LMNB1: variants seen among roughly 807,000 people sequenced by gnomAD.
LMNB1 encodes lamin-B1.
In LMNB1, 23 loss-of-function variants were observed where a neutral mutation model predicts 67.1. That is an observed-to-expected ratio of 0.34 (90% CI 0.25 to 0.49). LMNB1 has a LOEUF of 0.49. Ranked by LOEUF, LMNB1 falls within the 20% of genes least tolerant of loss-of-function variation. The pLI is 0.99. For synonymous variants in LMNB1, 281 were observed against 282.9 expected (o/e 0.99, Z 0.07); for missense variants, 634 against 746.5 (o/e 0.85, Z 1.76).
Position 126,819,138 on chromosome 5 carries a change from G to T in LMNB1, c.1156G>T (p.Glu386Ter). 1 of 1,613,006 alleles carries T rather than the reference G, an allele frequency of 6.2e-7. No individual in the cohort carries two copies. Among genetic ancestry groups the T allele is most frequent in the Non-Finnish European group, 8.5e-7 (1 of 1,179,106 alleles). The change falls in exon 6 of 11, where the codon GAG becomes TAG. Residue 386 changes from glutamate (E) to a stop codon, truncating the protein, a stop_gained. Coordinates refer to ENST00000261366, the MANE Select transcript of LMNB1 (RefSeq NM_005573.4). LOFTEE classifies it high-confidence loss of function. ...CAGGAAACTCTTAGAAGGCGAAGAA[G>T]AGAGGTAAGGAACTTAAGGGTCACC... is the stretch of plus-strand genomic sequence containing the variant. ...AYRKLLEGEE[E>*]RLKLSPSPSS...
In LMNB1 at chr5:126,811,898, G is replaced by C; in HGVS notation, c.939G>C (p.Glu313Asp). Residue 313 changes from glutamate (E) to aspartate (D), a missense_variant and splice_region_variant, in exon 5 of 11, where the codon GAG (glutamate) becomes GAC (aspartate). Transcript: ENST00000261366. ...CCCAGCTTTCTAATCTACAGAAAGA[G>C]GTAAATAATCATCTTTCTGTAAGAA... is the stretch of plus-strand genomic sequence containing the variant. ...LSSQLSNLQKESRACLERIQE... is the reference protein window; with the variant it reads ...LSSQLSNLQKDSRACLERIQE... 1 of 1,607,046 alleles carries C rather than the reference G, an allele frequency of 6.2e-7. No individual in the cohort carries two copies. The highest frequency in any genetic ancestry group is 8.5e-7 in the Non-Finnish European group (1 of 1,174,366).
At position 126,791,369 on chromosome 5, in the gene LMNB1, T is replaced by A. The variant is rs1245035400; in HGVS notation, c.360-13407T>A. ...GATCCTTTGGTTTTCTTCCCTTTTT[T>A]AAAAAATATTTTTTCTCTACTAAGA... On this transcript the variant is annotated intron_variant, in intron 1 of 10. Coordinates refer to ENST00000261366, the MANE Select transcript of LMNB1 (RefSeq NM_005573.4). Among the ~76,000 whole-genome samples, 9 of 152,134 alleles carry A rather than the reference T, an allele frequency of 5.9e-5. No homozygotes were observed. The East Asian group carries it at 1.3e-3, about 23-fold the overall frequency.
intron 1 of LMNB1, among the ~76,000 whole-genome samples, chr5:126,795,078 A>T (rs926945169): frequency 6.8e-6 from 1 of 147,900 alleles, no homozygotes; most frequent in Non-Finnish European, 1.5e-5. Flanking sequence ...TAAGTGGACA[A>T]TCTTATTTTT....
In LMNB1 at chr5:126,804,787, A is replaced by G. The variant is rs1751374460; in HGVS notation, c.371A>G (p.Lys124Arg). 1.9e-6 allele frequency: 3 copies of G among 1,613,860 alleles called. No homozygotes were observed. Among genetic ancestry groups the G allele is most frequent in the Non-Finnish European group, 2.5e-6 (3 of 1,179,940 alleles). Residue 124 changes from lysine to arginine, a missense_variant, in exon 2 of 11, where the codon AAG becomes AGG. Transcript: ENST00000261366. The part of the protein sequence containing the change: ...HDQLLLNYAK[K>R]ESDLNGAQIK... ...TAAATCTGTTCCAGCTATGCTAAGA[A>G]GGAATCTGATCTTAATGGCGCCCAG...
chr5:126,832,354 A>G (rs1296421673), intron 9 of LMNB1, among the ~76,000 whole-genome samples: 1 of 151,882 alleles, frequency 6.6e-6, no homozygotes, highest in Admixed American at 6.6e-5. Context: ...TTGCTGTGAC[A>G]CTGGAGTGCA....
intron 3 of LMNB1, among the ~76,000 whole-genome samples, chr5:126,809,898 C>T (rs980802025): frequency 6.6e-6 from 1 of 152,066 alleles, no homozygotes; most frequent in Non-Finnish European, 1.5e-5. Flanking sequence ...TTTAGTAGGC[C>T]ATCCAGGCCT....
intron 5 of LMNB1, among the ~76,000 whole-genome samples, chr5:126,814,699 C>G (rs1386416862): frequency 6.6e-6 from 1 of 152,154 alleles, no homozygotes; most frequent in African/African-American, 2.4e-5. Flanking sequence ...CTACCACGCC[C>G]AGCTAATTCT....
intron 3 of LMNB1, among the ~76,000 whole-genome samples, chr5:126,809,703 G>A (rs1007251628): frequency 2.6e-5 from 4 of 152,092 alleles, no homozygotes; most frequent in African/African-American, 9.6e-5. Context: ...GAAAAGAAAA[G>A]AAAAGAAAAT....
At chr5:126,803,192 A>AG (rs1329372776) in intron 1 of LMNB1, among the ~76,000 whole-genome samples, 5 of 151,802 alleles carry the variant, frequency 3.3e-5, no homozygotes, top group Admixed American at 3.3e-4. Flanking sequence ...TCAAAAAAAA[A>AG]AAAAAGTGAT....
Position 126,805,610 on chromosome 5 carries a change from G to C in LMNB1, c.556G>C (p.Asp186His), listed in dbSNP as rs1208008187. Reference sequence around the variant, plus strand: ...AGCTGCAGCCAAAAAACAGTTAGCAGATGAAACTTTACTTAAAGTAGATTT... The same window carrying C: ...AGCTGCAGCCAAAAAACAGTTAGCACATGAAACTTTACTTAAAGTAGATTT... ...SLAAAKKQLA[D>H]ETLLKVDLEN... Residue 186 changes from aspartate to histidine, a missense_variant, in exon 3 of 11, where the codon GAT becomes CAT. By Grantham distance (81) the Asp-to-His change is moderately conservative. Coordinates refer to ENST00000261366, the MANE Select transcript of LMNB1 (RefSeq NM_005573.4). 2 of 1,611,276 alleles carry C rather than the reference G, an allele frequency of 1.2e-6. No individual in the cohort carries two copies. Among genetic ancestry groups the C allele is most frequent in the Non-Finnish European group, 1.7e-6 (2 of 1,177,716 alleles).
chr5:126,800,951 C>CTACATATATA lies in LMNB1; in HGVS notation c.360-3823_360-3822insCATATATATA, dbSNP rs1210732092. Among the ~76,000 whole-genome samples the CTACATATATA allele has an allele frequency of 1.3e-3, 62 of 47,314 alleles. 1 individual carries two copies. The highest frequency in any genetic ancestry group is 0.014 in the Middle Eastern group (1 of 70). 31.0% of individuals were successfully genotyped at this position (47,314 alleles called of 152,430 possible). ...ACAAGTGTGAGCCATTGCAGCCAGACTATATATATATATATATATATATAT... is the reference window on the plus strand; with the variant it reads ...ACAAGTGTGAGCCATTGCAGCCAGACTACATATATATATATATATATATATATATATATAT... On this transcript the variant is annotated intron_variant, in intron 1 of 10. Coordinates refer to ENST00000261366, the MANE Select transcript of LMNB1 (RefSeq NM_005573.4).
chr5:126,818,663 A>G (rs1751785353), intron 5 of LMNB1, among the ~76,000 whole-genome samples: 1 of 152,356 alleles, frequency 6.6e-6, no homozygotes, highest in South Asian at 2.1e-4. Flanking sequence ...CTAAGTACAG[A>G]AAAATTATAT....
rs369722722 is a variant in LMNB1 at position 126,829,906 on chromosome 5, G to A, written c.1612-2788G>A. On this transcript the variant is annotated intron_variant, in intron 9 of 10. Coordinates refer to ENST00000261366, the MANE Select transcript of LMNB1 (RefSeq NM_005573.4). ...TCTTATTCAGGAGGGAGGGGGCACT[G>A]GGTGGTTAAAAACAGCGATTGTCAC... Among the ~76,000 whole-genome samples, 15 of 152,182 alleles carry A rather than the reference G, an allele frequency of 9.9e-5. No individual in the cohort carries two copies. In the East Asian group the frequency reaches 2.7e-3, roughly 27 times the overall value.
intron 1 of LMNB1, among the ~76,000 whole-genome samples, chr5:126,785,305 T>C (rs1231224141): frequency 1.5e-5 from 2 of 129,566 alleles, no homozygotes; most frequent in African/African-American, 5.9e-5. Context: ...ATTTTTTTTT[T>C]TTTTAATAAC....
chr5:126,784,186 G>C (rs1199851624), intron 1 of LMNB1, among the ~76,000 whole-genome samples: 1 of 150,026 alleles, frequency 6.7e-6, no homozygotes, highest in East Asian at 2.0e-4. Flanking sequence ...CACTACACCC[G>C]GCTGATTTTG....
intron 1 of LMNB1, among the ~76,000 whole-genome samples, chr5:126,804,523 G>A (rs1450085415): frequency 6.6e-6 from 1 of 152,152 alleles, no homozygotes; most frequent in East Asian, 1.9e-4. Flanking sequence ...TCAAGGACAA[G>A]CAGGATTCTG....
intron 6 of LMNB1, among the ~76,000 whole-genome samples, chr5:126,819,983 G>A (rs2973602): frequency 0.71 from 107,126 of 151,698 alleles, 37,930 homozygotes; most frequent in Middle Eastern, 0.75. Context: ...CGTCTCTAAT[G>A]AAAATACAAA....
At chr5:126,800,908 T>C in intron 1 of LMNB1, among the ~76,000 whole-genome samples, 1 of 135,500 alleles carries the variant, frequency 7.4e-6, no homozygotes. Flanking sequence ...TGCCTCGGCC[T>C]CCCAAAGTGC....
chr5:126,822,731 ACTTT>A, intron 7 of LMNB1, 46 bp from the exon 8 acceptor site: 2 of 1,128,898 alleles, frequency 1.8e-6, no homozygotes, highest in Non-Finnish European at 2.6e-6. Flanking sequence ...TTATTCCACA[ACTTT>A]CTTTATCTTT....
Sources: allele counts gnomAD v4.1 joint callset (sites outside exome capture counted in the v4.1 genomes callset), GRCh38; gene constraint gnomAD v4.1.1; transcripts MANE v1.5; gene names NCBI Gene and HGNC (gene_info 2026-07-23, HGNC 2026-07-21).